Variants in SCARA3 observed in about 807,000 individuals in gnomAD.
SCARA3 encodes cellular stress response gene protein.
Under a neutral mutation model 47.0 loss-of-function variants are expected in SCARA3, and 39 were observed. That is an observed-to-expected ratio of 0.83 (90% CI 0.64 to 1.08). SCARA3 has a LOEUF of 1.08. Among genes scored for constraint, SCARA3 ranks in the 50% least tolerant of loss-of-function variants. The pLI, the probability that SCARA3 is intolerant of heterozygous loss-of-function variation, is 0.00. For missense variants in SCARA3, 724 were observed against 792.3 expected, an observed-to-expected ratio of 0.91 and a Z score of 1.04; for synonymous variants, 356 against 334.1, an observed-to-expected ratio of 1.07 and a Z score of -0.71.
the SCARA3 span, chr8:27,703,040 A>G: frequency 1.3e-5 from 2 of 152,402 alleles, no homozygotes; most frequent in Non-Finnish European, 2.9e-5. Flanking sequence ...TGGCACCCAC[A>G]TGAAAGGCCT....
chr8:27,689,580 GT>G, the SCARA3 span, among the ~76,000 whole-genome samples: 1 of 152,210 alleles, frequency 6.6e-6, no homozygotes, highest in African/African-American at 2.4e-5. Flanking sequence ...CACAAGTGCT[GT>G]TGTGTTTGGA....
the SCARA3 span, among the ~76,000 whole-genome samples, chr8:27,707,002 CAG>C: frequency 6.6e-6 from 1 of 152,186 alleles, no homozygotes; most frequent in South Asian, 2.1e-4. Flanking sequence ...AGGCAAGAGA[CAG>C]GGGTTATTCT....
the SCARA3 span, chr8:27,697,344 C>T: frequency 0.49 from 97,118 of 197,634 alleles, 24,150 homozygotes; most frequent in Middle Eastern, 0.67. Context: ...CGTCCCACGC[C>T]TGCATTTCCC....
the SCARA3 span, among the ~76,000 whole-genome samples, chr8:27,700,242 A>C: frequency 6.6e-6 from 1 of 152,212 alleles, no homozygotes; most frequent in Admixed American, 6.5e-5. Context: ...GAATAAGAGA[A>C]AATATTTGCA....
At chr8:27,649,840 T>G in intron 2 of SCARA3, 40 bp downstream of exon 2, 2 of 1,514,766 alleles carry the variant, frequency 1.3e-6, no homozygotes, top group Non-Finnish European at 1.8e-6. Flanking sequence ...CGCTCTGGGC[T>G]GAGAGATCCC....
chr8:27,695,575 G>A, the SCARA3 span, among the ~76,000 whole-genome samples: 2 of 152,108 alleles, frequency 1.3e-5, no homozygotes, highest in African/African-American at 4.8e-5. Context: ...TAATCCAGAG[G>A]TAACCTAAAT....
the SCARA3 span, among the ~76,000 whole-genome samples, chr8:27,699,691 G>A: frequency 2.0e-5 from 3 of 152,234 alleles, no homozygotes; most frequent in East Asian, 3.9e-4. Flanking sequence ...CACTTTGGGA[G>A]GCTCAGGCAG....
intron 3 of SCARA3, among the ~76,000 whole-genome samples, chr8:27,655,617 A>G (rs1407185373): frequency 3.9e-5 from 6 of 152,190 alleles, no homozygotes; most frequent in African/African-American, 9.7e-5. Flanking sequence ...ATTTTAAGCA[A>G]TTTATCCCAA....
chr8:27,702,947 C>T, the SCARA3 span: 1 of 152,566 alleles, frequency 6.6e-6, no homozygotes, highest in Non-Finnish European at 1.5e-5. Flanking sequence ...CACCAACCAG[C>T]TCCCAAACAG....
chr8:27,670,610 G>A (rs776228973), intron 5 of SCARA3, among the ~76,000 whole-genome samples: 2 of 152,196 alleles, frequency 1.3e-5, no homozygotes, highest in Non-Finnish European at 2.9e-5. Context: ...GGTCAGACTG[G>A]CCTCAGAGCA....
chr8:27,638,010 G>A (rs1364978482), intron 1 of SCARA3, among the ~76,000 whole-genome samples: 3 of 152,116 alleles, frequency 2.0e-5, no homozygotes, highest in Non-Finnish European at 2.9e-5. Flanking sequence ...GAGCCCAGCG[G>A]CTCAGATGTT....
chr8:27,673,785 C>G (rs943724328), downstream of SCARA3, among the ~76,000 whole-genome samples: 1 of 152,182 alleles, frequency 6.6e-6, no homozygotes, highest in African/African-American at 2.4e-5. Flanking sequence ...TCCTGGGCCA[C>G]AGTGGGTGTG....
the SCARA3 span, among the ~76,000 whole-genome samples, chr8:27,698,245 T>A: frequency 3.0e-3 from 452 of 149,816 alleles, 2 homozygotes; most frequent in African/African-American, 9.8e-3. Flanking sequence ...AAGTGGTAAA[T>A]TAGAACGTAA....
chr8:27,658,987 G>T lies in SCARA3; in HGVS notation c.817G>T (p.Gly273Ter). Reference protein sequence around the residue: ...SGLRTTSTKTGEAVKNIQATL... With the variant: ...SGLRTTSTKT Reference sequence around the variant, plus strand: ...CCTGCGCACCACCTCCACCAAGACTGGAGAGGCGGTCAAGAACATCCAGGC... The same window carrying T: ...CCTGCGCACCACCTCCACCAAGACTTGAGAGGCGGTCAAGAACATCCAGGC... The change falls in exon 5 of 6, where the codon GGA (glycine) becomes TGA (stop). Residue 273 changes from glycine to a stop codon, truncating the protein, a stop_gained. Coordinates refer to ENST00000301904, the MANE Select transcript of SCARA3 (RefSeq NM_016240.3). LOFTEE classifies it high-confidence loss of function. 1 of 1,614,060 alleles carries T rather than the reference G, an allele frequency of 6.2e-7. No homozygotes were observed. Among genetic ancestry groups the T allele is most frequent in the Non-Finnish European group, 8.5e-7 (1 of 1,180,000 alleles).
the SCARA3 span, among the ~76,000 whole-genome samples, chr8:27,707,699 G>A: frequency 6.6e-6 from 1 of 151,624 alleles, no homozygotes; most frequent in African/African-American, 2.4e-5. Flanking sequence ...AAGAGTGCAT[G>A]TCACTGAATT....
chr8:27,649,524 C>G (rs1188297843), intron 1 of SCARA3, among the ~76,000 whole-genome samples, 178 bp from the exon 2 acceptor site: 1 of 152,232 alleles, frequency 6.6e-6, no homozygotes, highest in African/African-American at 2.4e-5. Context: ...CATCCCAGCT[C>G]CTCAGCCACT....
chr8:27,668,866 G>A (rs1173035359), intron 5 of SCARA3, among the ~76,000 whole-genome samples: 1 of 152,212 alleles, frequency 6.6e-6, no homozygotes, highest in African/African-American at 2.4e-5. Flanking sequence ...ACAGCTGGCT[G>A]CTGTGTTCTT....
chr8:27,657,427 G>C (rs80118896), intron 4 of SCARA3, among the ~76,000 whole-genome samples: 14,581 of 146,900 alleles, frequency 0.099, 887 homozygotes, highest in East Asian at 0.27. Flanking sequence ...CACCCAGGTA[G>C]TGAGCCCAGG....
chr8:27,714,212 T>C, the SCARA3 span, among the ~76,000 whole-genome samples: 3 of 149,282 alleles, frequency 2.0e-5, no homozygotes, highest in Non-Finnish European at 4.5e-5. Flanking sequence ...TTTTTTTTTT[T>C]TGAGATGGAG....
Sources: allele counts gnomAD v4.1 joint callset (sites outside exome capture counted in the v4.1 genomes callset), GRCh38; gene constraint gnomAD v4.1.1; transcripts MANE v1.5; gene names NCBI Gene and HGNC (gene_info 2026-07-23, HGNC 2026-07-21).